The following TLE4 variants were observed in gnomAD, a reference collection of about 807,000 sequenced individuals.
TLE4 encodes TLE family member 4, transcriptional corepressor.
Under a neutral mutation model 92.8 loss-of-function variants are expected in TLE4, and 8 were observed. The observed-to-expected ratio is 0.09, with a 90% confidence interval of 0.05 to 0.16. The LOEUF is 0.16. Among genes scored for constraint, TLE4 ranks in the 10% least tolerant of loss-of-function variants. The pLI is 1.00. For synonymous variants in TLE4, 371 were observed against 374.1 expected, an observed-to-expected ratio of 0.99 and a Z score of 0.10; for missense variants, 675 against 997.6, an observed-to-expected ratio of 0.68 and a Z score of 4.36.
At chr9:79,586,753 CT>C (rs1184000303) in intron 4 of TLE4, among the ~76,000 whole-genome samples, 1 of 152,078 alleles carries the variant, frequency 6.6e-6, no homozygotes, top group Non-Finnish European at 1.5e-5. Context: ...GATCAAGTTC[CT>C]TCATTAAAGT....
rs143245872 is a variant in TLE4, at chr9:79,718,261, C to T, written c.1341-461C>T. Among the ~76,000 whole-genome samples the T allele has an allele frequency of 3.9e-5, 6 of 152,206 alleles. No individual in the cohort carries two copies. In the East Asian group the frequency reaches 9.6e-4, roughly 24 times the overall value. On this transcript the variant is annotated intron_variant, in intron 14 of 19. Transcript: ENST00000376552. The stretch of plus-strand genomic sequence containing the variant: ...CTTAAAGCTTCCTGATTTTGGCCTA[C>T]TCATCTCCCTTAGTAAGTCCCTTGC...
chr9:79,573,701 C>G lies in TLE4; in HGVS notation c.58C>G (p.Pro20Ala). 6.2e-7 allele frequency: 1 copy of G among 1,602,792 alleles called. No individual in the cohort carries two copies. The highest frequency in any genetic ancestry group is 1.3e-5 in the African/African-American group (1 of 74,902). ...PQTRHPAPHQ[P>A]AQPFKFTISE... ...TGTTGTTCTTCAGGCACCGCATCAG[C>G]CTGCTCAACCCTTTAAATTTACAAT... is the stretch of plus-strand genomic sequence containing the variant. Residue 20 changes from proline to alanine, a missense_variant, in exon 2 of 20, where the codon CCT becomes GCT. Pro to Ala is a conservative substitution (Grantham distance 27). Around this residue, in one of 5 missense-constraint regions of TLE4, gnomAD observed 38 missense variants for 33.5 expected, o/e 1.14. Coordinates refer to ENST00000376552, the MANE Select transcript of TLE4 (RefSeq NM_007005.6).
At chr9:79,670,718 A>C (rs1244868282) in intron 8 of TLE4, among the ~76,000 whole-genome samples, 1 of 152,150 alleles carries the variant, frequency 6.6e-6, no homozygotes, top group African/African-American at 2.4e-5. Context: ...CAGTGTAGCA[A>C]TACCAGCTAG....
chr9:79,591,795 T>C (rs147455570), intron 4 of TLE4, among the ~76,000 whole-genome samples: 124 of 152,232 alleles, frequency 8.1e-4, no homozygotes, highest in African/African-American at 2.6e-3. Context: ...GTACCATTCA[T>C]TGATAGAAAA....
intron 6 of TLE4, among the ~76,000 whole-genome samples, chr9:79,634,264 T>C (rs1369554566): frequency 6.6e-6 from 1 of 152,234 alleles, no homozygotes; most frequent in Non-Finnish European, 1.5e-5. Flanking sequence ...AGCTGTCAGC[T>C]TGCTGGTATT....
intron 15 of TLE4, among the ~76,000 whole-genome samples, chr9:79,719,344 A>G (rs1032110146): frequency 1.3e-5 from 2 of 151,904 alleles, no homozygotes; most frequent in Admixed American, 1.3e-4. Context: ...CAAATACTAG[A>G]TAGCCCCTCA....
intron 14 of TLE4, 136 bp downstream of exon 14, chr9:79,709,835 T>C (rs1364473939): frequency 1.6e-6 from 1 of 637,272 alleles, no homozygotes; most frequent in African/African-American, 1.9e-5. Context: ...AAGGTATTTT[T>C]CATTTTCTCT....
At position 79,725,171 on chromosome 9, in the gene TLE4, TCTC is replaced by T. The variant is rs567085984; in HGVS notation, c.*33_*35del. On this transcript the variant is annotated 3_prime_UTR_variant, in exon 20 of 20. Coordinates refer to ENST00000376552, the MANE Select transcript of TLE4 (RefSeq NM_007005.6). ...GACAAATCTTCATGCAGACTGGACTTCTCCTCCTGGTAGCACTTTGCTCTGTCA... is the reference window on the plus strand; with the variant it reads ...GACAAATCTTCATGCAGACTGGACTTCTCCTGGTAGCACTTTGCTCTGTCA... 9.7e-4 allele frequency: 1,502 copies of T among 1,541,386 alleles called. 1 individual carries two copies. Among genetic ancestry groups the T allele is most frequent in the Non-Finnish European group, 1.3e-3 (1,440 of 1,114,364 alleles).
Position 79,726,642 on chromosome 9 carries a change from G to A in TLE4, c.*1498G>A, listed in dbSNP as rs1380607035. On this transcript the variant is annotated 3_prime_UTR_variant, in exon 20 of 20. Coordinates refer to ENST00000376552, the MANE Select transcript of TLE4 (RefSeq NM_007005.6). ...AGATTTTGATACTAAACTGTGCGTTGTACATAGTTCTAATGCATTGTATTG... is the reference window on the plus strand; with the variant it reads ...AGATTTTGATACTAAACTGTGCGTTATACATAGTTCTAATGCATTGTATTG... The A allele has an allele frequency of 1.3e-5, 2 of 152,586 alleles. No homozygotes were observed. Among genetic ancestry groups the A allele is most frequent in the Non-Finnish European group, 2.9e-5 (2 of 68,028 alleles). 9.5% of individuals were successfully genotyped at this position (152,586 alleles called of 1,614,324 possible). A position where few individuals can be genotyped will look rare whatever the true frequency, so the allele number is the denominator to read the frequency against.
chr9:79,622,393 G>T (rs934973626), intron 5 of TLE4, among the ~76,000 whole-genome samples: 2 of 152,116 alleles, frequency 1.3e-5, no homozygotes, highest in Admixed American at 1.3e-4. Context: ...CCCCTACCCA[G>T]TTCTCTTCCC....
rs563502117 is a variant in TLE4, at chr9:79,724,077, T to C, written c.2215-960T>C. 1.2e-3 allele frequency among the ~76,000 whole-genome samples: 187 copies of C among 152,196 alleles called. 2 individuals are homozygous for C. The highest frequency in any genetic ancestry group is 4.4e-3 in the African/African-American group (181 of 41,464). On this transcript the variant is annotated intron_variant, in intron 19 of 19. Coordinates refer to ENST00000376552, the MANE Select transcript of TLE4 (RefSeq NM_007005.6). ...ATGGTATACAAAATTCTATGGTATG[T>C]TTTTAACTGTTGAACCTCTCCCCTC...
At chr9:79,573,316 ACCG>A (rs935569396) in intron 1 of TLE4, 1 of 1,050,898 alleles carries the variant, frequency 9.5e-7, no homozygotes, top group African/African-American at 1.7e-5. Context: ...CCCCGGCCTG[ACCG>A]CAGCCCGACG....
intron 8 of TLE4, among the ~76,000 whole-genome samples, chr9:79,668,620 G>T (rs978524219): frequency 3.9e-5 from 6 of 152,122 alleles, no homozygotes; most frequent in African/African-American, 1.4e-4. Flanking sequence ...ATAGTTTCCA[G>T]ATTCCCCCTC....
chr9:79,627,573 C>A, intron 6 of TLE4, 125 bp downstream of exon 6: 3 of 924,966 alleles, frequency 3.2e-6, no homozygotes, highest in Non-Finnish European at 3.3e-6. Context: ...TGAAATTAAG[C>A]ACTTTGCCTT....
chr9:79,624,958 T>G (rs2052113391), intron 5 of TLE4, among the ~76,000 whole-genome samples: 1 of 151,950 alleles, frequency 6.6e-6, no homozygotes, highest in Admixed American at 6.6e-5. Context: ...GTGACTTAAG[T>G]GTGGTCCTTT....
chr9:79,696,517 C>G (rs1042219905), intron 8 of TLE4, among the ~76,000 whole-genome samples: 2 of 151,858 alleles, frequency 1.3e-5, no homozygotes, highest in Non-Finnish European at 2.9e-5. Context: ...TTCTTTGTTC[C>G]TGTTGTATTA....
intron 4 of TLE4, among the ~76,000 whole-genome samples, chr9:79,585,982 A>G (rs971687429): frequency 2.6e-5 from 4 of 152,222 alleles, no homozygotes; most frequent in Admixed American, 2.6e-4. Context: ...GAAGTAGAGC[A>G]ATTTTCATAA....
chr9:79,637,335 A>G (rs2056125900), intron 6 of TLE4, among the ~76,000 whole-genome samples: 2 of 152,200 alleles, frequency 1.3e-5, no homozygotes, highest in Admixed American at 1.3e-4. Context: ...AAATAATGAA[A>G]CCAAGGGCTT....
chr9:79,672,904 A>C (rs10746593), intron 8 of TLE4, among the ~76,000 whole-genome samples: 106,841 of 152,024 alleles, frequency 0.7, 38,384 homozygotes, highest in Middle Eastern at 0.78. Context: ...AATTAGAGTT[A>C]TGTTAAAGAA....
Sources: gnomAD v4.1 joint callset for allele counts (sites outside exome capture counted in the v4.1 genomes callset) on GRCh38, gnomAD v4.1.1 for gene constraint, gnomAD v4.1.1 regional missense constraint, MANE v1.5 for transcripts, NCBI Gene and HGNC (gene_info 2026-07-23, HGNC 2026-07-21) for gene names.